Variants in CATSPERG observed in about 807,000 individuals in gnomAD.
CATSPERG encodes cation channel sperm-associated auxiliary subunit gamma.
CATSPERG carries 115 observed loss-of-function variants against 145.0 expected under a neutral mutation model. That is an observed-to-expected ratio of 0.79 (90% CI 0.68 to 0.93). The LOEUF (loss-of-function observed/expected upper bound fraction) is 0.93. Ranked by LOEUF, CATSPERG falls within the 40% of genes least tolerant of loss-of-function variation. The pLI, the probability that CATSPERG is intolerant of heterozygous loss-of-function variation, is 0.00. For missense variants in CATSPERG, 1,296 were observed against 1,490.1 expected (o/e 0.87, Z 2.14); for synonymous variants, 588 against 589.0 (o/e 1.00, Z 0.02).
chr19:38,351,943 GT>G (rs1226249493), intron 7 of CATSPERG, among the ~76,000 whole-genome samples: 1 of 152,152 alleles, frequency 6.6e-6, no homozygotes. Context: ...ATGGGGTGTT[GT>G]ATCCATGTAG....
intron 1 of CATSPERG, chr19:38,336,691 C>T (rs1282560602): frequency 8.6e-6 from 2 of 233,672 alleles, no homozygotes; most frequent in Non-Finnish European, 1.7e-5. Context: ...CGGGTGCGAT[C>T]GCAGGCAGAA....
intron 12 of CATSPERG, 52 bp downstream of exon 12, chr19:38,358,380 C>T (rs777538631): frequency 6.2e-7 from 1 of 1,614,018 alleles, no homozygotes; most frequent in African/African-American, 1.3e-5. Context: ...CCAGGAGGGG[C>T]CCAGGTGACT....
At position 38,343,651 on chromosome 19, in the gene CATSPERG, C is replaced by T. The variant is rs1379485060; in HGVS notation, c.396C>T (p.Ser132=). ...CCCTGGTGCTGGTCACCTTCCAGTC[C>T]CCAGTCAACTTCTACCGCTGGAAGA... ...LKPLVLVTFQ[S]PVNFYRWKIE... is the part of the protein sequence containing the mutation. The change falls in exon 4 of 29, where the codon TCC becomes TCT. Residue 132 remains serine, a synonymous_variant. Coordinates refer to ENST00000409235, the MANE Select transcript of CATSPERG (RefSeq NM_021185.5). 3.1e-5 allele frequency: 48 copies of T among 1,551,408 alleles called. No individual in the cohort carries two copies. The highest frequency in any genetic ancestry group is 4.1e-5 in the Non-Finnish European group (47 of 1,146,954).
At chr19:38,337,037 G>C (rs148052916) in intron 1 of CATSPERG, 184 bp from the exon 2 acceptor site, 7,481 of 694,606 alleles carry the variant, frequency 0.011, 135 homozygotes, top group East Asian at 0.075. Flanking sequence ...AAGTCCGTGC[G>C]GGGGCAGGGC....
chr19:38,367,822 G>GGGAAGCA, intron 25 of CATSPERG, 46 bp downstream of exon 25: 1 of 1,568,690 alleles, frequency 6.4e-7, no homozygotes, highest in Non-Finnish European at 8.8e-7. Flanking sequence ...GCTTCCCCTG[G>GGGAAGCA]AGGCCTTTCC....
chr19:38,358,047 G>GATCCT, intron 11 of CATSPERG: 2 of 531,384 alleles, frequency 3.8e-6, no homozygotes, highest in African/African-American at 3.8e-5. Context: ...GAACCGAGGA[G>GATCCT]GCAGAAGTTG....
intron 5 of CATSPERG, 22 bp downstream of exon 5, chr19:38,344,141 G>C: frequency 6.4e-7 from 1 of 1,551,372 alleles, no homozygotes; most frequent in Non-Finnish European, 8.7e-7. Context: ...CAAGACGGGG[G>C]CTGGGGTGGA....
At chr19:38,336,157 TA>T in intron 1 of CATSPERG, 1 of 438,818 alleles carries the variant, frequency 2.3e-6, no homozygotes, top group Non-Finnish European at 4.5e-6. Flanking sequence ...GAAGGAAGAG[TA>T]AGAAGTGGGG....
chr19:38,343,859 A>G, intron 4 of CATSPERG, 134 bp from the exon 5 acceptor site: 7 of 1,381,326 alleles, frequency 5.1e-6, no homozygotes, highest in Non-Finnish European at 5.9e-6. Context: ...TAGAGGGGCC[A>G]CACAGAGGCC....
At chr19:38,369,389 T>G (rs1970508470) in intron 26 of CATSPERG, 1 of 185,650 alleles carries the variant, frequency 5.4e-6, no homozygotes, top group Non-Finnish European at 1.2e-5. Context: ...GCCTCCTGTG[T>G]AGCTGGGATT....
At chr19:38,339,201 C>T (rs940117155) in intron 3 of CATSPERG, among the ~76,000 whole-genome samples, 1 of 152,156 alleles carries the variant, frequency 6.6e-6, no homozygotes, top group East Asian at 1.9e-4. Flanking sequence ...TGCTCTGCTG[C>T]TTGAGATAAT....
chr19:38,367,073 G>C, intron 22 of CATSPERG, 83 bp from the exon 23 acceptor site: 2 of 1,321,344 alleles, frequency 1.5e-6, no homozygotes, highest in Non-Finnish European at 2.0e-6. Context: ...TGTGGGAGGG[G>C]GACTGTCCTT....
At position 38,358,417 on chromosome 19, in the gene CATSPERG, C is replaced by T; in HGVS notation, c.1367-15C>T. The stretch of plus-strand genomic sequence containing the variant: ...CACTTCACTGCTGTGTCCTCTCTTC[C>T]TCTGCTCCGGTCAGCTCGAGGATTG... On this transcript the variant is annotated splice_polypyrimidine_tract_variant and intron_variant, in intron 12 of 28. Transcript: ENST00000409235. The T allele has an allele frequency of 6.2e-7, 1 of 1,614,138 alleles. No individual in the cohort carries two copies. Among genetic ancestry groups the T allele is most frequent in the Non-Finnish European group, 8.5e-7 (1 of 1,179,988 alleles).
Position 38,358,271 on chromosome 19 carries a change from C to T in CATSPERG, c.1316-7C>T, listed in dbSNP as rs971841462. On this transcript the variant is annotated splice_polypyrimidine_tract_variant and splice_region_variant and intron_variant, in intron 11 of 28. Coordinates refer to ENST00000409235, the MANE Select transcript of CATSPERG (RefSeq NM_021185.5). ...AGGAGATTTTGCTGTGTTCTCCCCA[C>T]CTGTAGCTAGTGATGACCTGGAACT... is the stretch of plus-strand genomic sequence containing the variant. The T allele has an allele frequency of 6.2e-7, 1 of 1,614,136 alleles. No homozygotes were observed. Among genetic ancestry groups the T allele is most frequent in the South Asian group, 1.1e-5 (1 of 91,090 alleles).
rs1449780256 is a variant in CATSPERG, at chr19:38,362,779, G to C, written c.2422G>C (p.Glu808Gln). ...GGTGCTGGCCGACCCCGGCTGCATC[G>C]AGGCCTCGGTGAAGCAGGAGGTCCT... ...GVVLADPGCI[E>Q]ASVKQEVLIN... is the part of the protein sequence containing the mutation. The change falls in exon 20 of 29, where the codon GAG becomes CAG. Residue 808 changes from glutamate (E) to glutamine (Q), a missense_variant. Physicochemically the swap from Glu to Gln is conservative, Grantham distance 29 (BLOSUM62 2). Transcript: ENST00000409235. The C allele has an allele frequency of 4.3e-6, 7 of 1,614,050 alleles. No individual in the cohort carries two copies. The highest frequency in any genetic ancestry group is 5.9e-6 in the Non-Finnish European group (7 of 1,180,014).
At chr19:38,353,990 C>G (rs1411801411) in intron 8 of CATSPERG, among the ~76,000 whole-genome samples, 2 of 30,556 alleles carry the variant, frequency 6.5e-5, no homozygotes, top group South Asian at 2.3e-3. Flanking sequence ...GACTCTGTCT[C>G]AAAAAAAAAA....
At chr19:38,364,848 T>C in intron 20 of CATSPERG, 43 bp from the exon 21 acceptor site, 1 of 1,461,148 alleles carries the variant, frequency 6.8e-7, no homozygotes, top group East Asian at 2.3e-5. Context: ...TGGGGAGACC[T>C]GTTCACCCCT....
chr19:38,358,588 C>T (rs1016096901), intron 13 of CATSPERG, 27 bp downstream of exon 13: 2 of 1,613,512 alleles, frequency 1.2e-6, no homozygotes, highest in African/African-American at 2.7e-5. Flanking sequence ...CCTGGGTGGG[C>T]CAGGCATACT....
In CATSPERG at chr19:38,370,640, G is replaced by A. The variant is rs750852120; in HGVS notation, c.3328G>A (p.Ala1110Thr). The change falls in exon 29 of 29, where the codon GCC becomes ACC. Residue 1110 changes from alanine to threonine, a missense_variant. Coordinates refer to ENST00000409235, the MANE Select transcript of CATSPERG (RefSeq NM_021185.5). ...MIRWKINNLI[A>T]SESYYTYASI... ...CCGGTGGAAGATAAACAACCTCATT[G>A]CCTCAGAATCCTACTACACCTACGC... 24 of 1,613,980 alleles carry A rather than the reference G, an allele frequency of 1.5e-5. No individual in the cohort carries two copies. The highest frequency in any genetic ancestry group is 2.0e-5 in the Non-Finnish European group (24 of 1,180,038).
Sources: allele counts gnomAD v4.1 joint callset (sites outside exome capture counted in the v4.1 genomes callset), GRCh38; gene constraint gnomAD v4.1.1; transcripts MANE v1.5; gene names NCBI Gene and HGNC (gene_info 2026-07-23, HGNC 2026-07-21).